SYN3: variants seen among roughly 807,000 people sequenced by gnomAD.
SYN3 encodes synapsin III.
In SYN3, 35 loss-of-function variants were observed where a neutral mutation model predicts 65.8. The ratio of observed to expected loss-of-function variants is 0.53; its 90% CI spans 0.41 to 0.70. The LOEUF (loss-of-function observed/expected upper bound fraction) is 0.70, where lower values mean the gene tolerates loss of function less well. Ranked by LOEUF, SYN3 falls within the 30% of genes least tolerant of loss-of-function variation. The probability of loss-of-function intolerance (pLI) is 0.00; values close to 1 mark genes in which losing one functional copy is unlikely to be tolerated. For missense variants in SYN3, 680 were observed against 749.0 expected (o/e 0.91, Z 1.08); for synonymous variants, 270 against 292.9 (o/e 0.92, Z 0.80).
At chr22:32,759,390 G>A (rs973030790) in intron 6 of SYN3, among the ~76,000 whole-genome samples, 12 of 152,262 alleles carry the variant, frequency 7.9e-5, no homozygotes, top group Non-Finnish European at 1.3e-4. Context: ...GGGGCTCAAC[G>A]ACTATTAGTT....
intron 4 of SYN3, among the ~76,000 whole-genome samples, chr22:32,920,345 G>A (rs2050304310): frequency 6.6e-6 from 1 of 152,074 alleles, no homozygotes; most frequent in Non-Finnish European, 1.5e-5. Context: ...TCTCTCCCTT[G>A]TGGGGCCAGG....
At chr22:32,800,381 G>A (rs758826162) in intron 6 of SYN3, among the ~76,000 whole-genome samples, 10 of 152,196 alleles carry the variant, frequency 6.6e-5, no homozygotes, top group Non-Finnish European at 1.3e-4. Context: ...ATGGGAAGGA[G>A]CAGTGGAAAG....
At chr22:32,986,080 C>T (rs1017133774) in intron 2 of SYN3, among the ~76,000 whole-genome samples, 3 of 152,066 alleles carry the variant, frequency 2.0e-5, no homozygotes, top group Non-Finnish European at 2.9e-5. Flanking sequence ...ACTGAGTCTC[C>T]ATGCTCACTG....
chr22:32,678,624 C>A (rs1252581093), intron 6 of SYN3, among the ~76,000 whole-genome samples: 2 of 151,252 alleles, frequency 1.3e-5, no homozygotes, highest in East Asian at 3.9e-4. Context: ...TCCTCTTCTT[C>A]CTCTTCCTCT....
chr22:33,028,396 T>C (rs1431861690), intron 1 of SYN3, among the ~76,000 whole-genome samples: 1 of 152,218 alleles, frequency 6.6e-6, no homozygotes, highest in Admixed American at 6.5e-5. Flanking sequence ...AAGGCCGTGC[T>C]GCTGGCCTTT....
rs150505980 is a variant in SYN3, at chr22:32,549,032, G to A, written c.775-7319C>T. The stretch of plus-strand genomic sequence containing the variant: ...TGGAGGGATGTTGGGATGGTCCTCT[G>A]GCCAGAGGAGGCATTTGGGATAAGA... On this transcript the variant is annotated intron_variant, in intron 7 of 13. Coordinates refer to ENST00000358763, the MANE Select transcript of SYN3 (RefSeq NM_003490.4). 1.1e-3 allele frequency among the ~76,000 whole-genome samples: 166 copies of A among 152,122 alleles called. 3 individuals carry two copies. The highest frequency in any genetic ancestry group is 3.9e-3 in the African/African-American group (160 of 41,508).
At chr22:32,723,522 A>G (rs999301460) in intron 6 of SYN3, among the ~76,000 whole-genome samples, 1 of 152,022 alleles carries the variant, frequency 6.6e-6, no homozygotes, top group Non-Finnish European at 1.5e-5. Context: ...AGCCTCTTAG[A>G]CAAGTTGGGC....
intron 6 of SYN3, among the ~76,000 whole-genome samples, chr22:32,695,684 T>G (rs2023468889): frequency 6.6e-6 from 1 of 152,176 alleles, no homozygotes; most frequent in South Asian, 2.1e-4. Flanking sequence ...ACCTCACCTC[T>G]AAGACATTTA....
chr22:33,028,691 A>G (rs3071403), intron 1 of SYN3, among the ~76,000 whole-genome samples: 3,030 of 42,250 alleles, frequency 0.072, 77 homozygotes, highest in African/African-American at 0.2. Flanking sequence ...GGTGGTGGTG[A>G]TGGTGGTGGT....
At chr22:33,038,001 A>T (rs2053890258) in intron 1 of SYN3, among the ~76,000 whole-genome samples, 2 of 152,204 alleles carry the variant, frequency 1.3e-5, no homozygotes, top group Admixed American at 1.3e-4. Context: ...GAAGTTAAAA[A>T]AAAAAAGGAA....
rs186021881 is a variant in SYN3 at position 32,835,186 on chromosome 22, T to C, written c.711+29729A>G. On this transcript the variant is annotated intron_variant, in intron 6 of 13. Transcript: ENST00000358763. The stretch of plus-strand genomic sequence containing the variant: ...TGACAGAGTGCACAGTAGAGAAAGG[T>C]AGGGTGATACACTCTTCTTAGGAAG... 3.9e-5 allele frequency among the ~76,000 whole-genome samples: 6 copies of C among 152,232 alleles called. No individual in the cohort carries two copies. In the East Asian group the frequency reaches 1.2e-3, roughly 29 times the overall value.
chr22:32,821,817 T>TC (rs1030452263), intron 6 of SYN3, among the ~76,000 whole-genome samples: 1 of 152,114 alleles, frequency 6.6e-6, no homozygotes, highest in Non-Finnish European at 1.5e-5. Context: ...GCCTCATGGT[T>TC]CCCCCGTCAC....
intron 6 of SYN3, among the ~76,000 whole-genome samples, chr22:32,637,146 G>A (rs2059828076): frequency 6.6e-6 from 1 of 152,182 alleles, no homozygotes; most frequent in Admixed American, 6.5e-5. Flanking sequence ...GGTTGTGCCT[G>A]CAATTCTAAA....
chr22:32,612,376 C>G, intron 6 of SYN3, among the ~76,000 whole-genome samples: 1 of 152,158 alleles, frequency 6.6e-6, no homozygotes, highest in Non-Finnish European at 1.5e-5. Context: ...CCGGTAGGAT[C>G]TATGCTAACT....
chr22:32,613,093 C>A (rs2059468298), intron 6 of SYN3, among the ~76,000 whole-genome samples: 1 of 152,036 alleles, frequency 6.6e-6, no homozygotes, highest in Non-Finnish European at 1.5e-5. Flanking sequence ...TTCCCCTTCA[C>A]CCTCCTACCA....
At chr22:32,781,063 TCCTCCCTC>T (rs1569219623) in intron 6 of SYN3, among the ~76,000 whole-genome samples, 1 of 26,204 alleles carries the variant, frequency 3.8e-5, no homozygotes, top group Non-Finnish European at 1.0e-4. Context: ...CTCCCTCCCT[TCCTCCCTC>T]CCTCCCTTCC....
intron 6 of SYN3, among the ~76,000 whole-genome samples, chr22:32,631,243 C>T (rs1726946224): frequency 6.7e-6 from 1 of 149,812 alleles, no homozygotes; most frequent in African/African-American, 2.5e-5. Flanking sequence ...TGCAGTGAGC[C>T]AAGATCATGC....
At chr22:32,544,587 T>C (rs540808671) in intron 7 of SYN3, among the ~76,000 whole-genome samples, 1 of 152,344 alleles carries the variant, frequency 6.6e-6, no homozygotes, top group East Asian at 1.9e-4. Flanking sequence ...TAGTGAACTT[T>C]GGGAAATATG....
At chr22:32,556,496 C>G (rs773547687) in intron 7 of SYN3, among the ~76,000 whole-genome samples, 1 of 151,736 alleles carries the variant, frequency 6.6e-6, no homozygotes, top group Non-Finnish European at 1.5e-5. Context: ...TGGCGTCTGA[C>G]AGACGCTGAG....
Sources: allele counts gnomAD v4.1 joint callset (sites outside exome capture counted in the v4.1 genomes callset), GRCh38; gene constraint gnomAD v4.1.1; transcripts MANE v1.5; gene names NCBI Gene and HGNC (gene_info 2026-07-23, HGNC 2026-07-21).